ASH2L: variants seen among roughly 807,000 people sequenced by gnomAD.
ASH2L encodes ASH2 like, histone lysine methyltransferase complex subunit, also known as set1/Ash2 histone methyltransferase complex subunit ASH2.
In ASH2L, 30 loss-of-function variants were observed where a neutral mutation model predicts 81.1. The observed-to-expected ratio is 0.37, with a 90% CI of 0.28 to 0.50. The LOEUF (loss-of-function observed/expected upper bound fraction) is 0.50, where lower values mean the gene tolerates loss of function less well. ASH2L is among the 20% of genes least tolerant of loss of function. The pLI is 0.95. For synonymous variants in ASH2L, 273 were observed against 279.9 expected, an observed-to-expected ratio of 0.98 and a Z score of 0.24; for missense variants, 559 against 792.1, an observed-to-expected ratio of 0.71 and a Z score of 3.53.
At chr8:38,114,141 A>G in intron 5 of ASH2L, 51 bp from the exon 6 acceptor site, 2 of 1,093,772 alleles carry the variant, frequency 1.8e-6, no homozygotes, top group Non-Finnish European at 2.6e-6. Flanking sequence ...TTTCTTTGTC[A>G]GCATATCTTT....
intron 5 of ASH2L, among the ~76,000 whole-genome samples, chr8:38,112,170 C>T (rs1810711516): frequency 6.6e-6 from 1 of 152,104 alleles, no homozygotes; most frequent in South Asian, 2.1e-4. Context: ...CCACATCCAG[C>T]TAACTTAAAA....
chr8:38,117,205 C>G (rs955332927), intron 8 of ASH2L, among the ~76,000 whole-genome samples: 4 of 152,182 alleles, frequency 2.6e-5, no homozygotes, highest in African/African-American at 9.7e-5. Flanking sequence ...AGCGGGAAAA[C>G]CCCTCGTTAC....
chr8:38,136,421 T>C (rs1218437906), intron 14 of ASH2L, among the ~76,000 whole-genome samples: 1 of 150,950 alleles, frequency 6.6e-6, no homozygotes, highest in Non-Finnish European at 1.5e-5. Context: ...AAGGGTACTA[T>C]CATTAGGGCC....
chr8:38,105,765 ACGCGG>A lies in ASH2L; in HGVS notation c.188+28_188+32del, dbSNP rs769671819. On this transcript the variant is annotated intron_variant, in intron 1 of 15. Transcript: ENST00000343823. ...TAAGAGGTCCTGCCGCCCGAGGAAG[ACGCGG>A]GAGGGAGGCCCGCCCCTCGCGAATC... is the stretch of plus-strand genomic sequence containing the variant. 2.0e-6 allele frequency: 3 copies of A among 1,501,280 alleles called. No homozygotes were observed. The East Asian group carries it at 7.1e-5, about 36-fold the overall frequency. The allele number at this position is 1,501,280 out of a possible 1,614,324, so 93.0% of individuals were successfully genotyped here.
In ASH2L at chr8:38,107,047, G is replaced by A; in HGVS notation, c.282G>A (p.Val94=). 6.2e-7 allele frequency: 1 copy of A among 1,614,096 alleles called. No individual in the cohort carries two copies. The highest frequency in any genetic ancestry group is 1.1e-5 in the South Asian group (1 of 91,076). ...AAGGTGCTGGGGATACATCAGAGGT[G>A]ATGGATACTCAGGCGGGCTCCGTGG... ...TLEGAGDTSE[V]MDTQAGSVDE... Residue 94 remains valine, a synonymous_variant, in exon 3 of 16, where the codon GTG becomes GTA. Transcript: ENST00000343823.
chr8:38,120,591 C>G (rs1223944942), intron 9 of ASH2L, among the ~76,000 whole-genome samples: 1 of 139,154 alleles, frequency 7.2e-6, no homozygotes, highest in African/African-American at 2.7e-5. Context: ...GACTATCACC[C>G]TAATCACCCC....
chr8:38,117,079 A>G (rs896903195), intron 8 of ASH2L, among the ~76,000 whole-genome samples: 16 of 152,230 alleles, frequency 1.1e-4, no homozygotes, highest in Non-Finnish European at 2.1e-4. Context: ...TACTTTTAAC[A>G]GATTTCCTGT....
chr8:38,118,834 C>T lies in ASH2L; in HGVS notation c.854-436C>T, dbSNP rs114350643. On this transcript the variant is annotated intron_variant, in intron 8 of 15. Transcript: ENST00000343823. Reference sequence around the variant, plus strand: ...TTGTGTAGTTCAAGCAAGTGAACATCGACTTACAGTGAGGATATTCTCTCT... The same window carrying T: ...TTGTGTAGTTCAAGCAAGTGAACATTGACTTACAGTGAGGATATTCTCTCT... Among the ~76,000 whole-genome samples, 633 of 152,228 alleles carry T rather than the reference C, an allele frequency of 4.2e-3. 6 individuals carry two copies. Among genetic ancestry groups the T allele is most frequent in the African/African-American group, 0.014 (585 of 41,518 alleles).
intron 12 of ASH2L, among the ~76,000 whole-genome samples, chr8:38,132,745 G>C (rs959928385): frequency 9.2e-5 from 14 of 151,606 alleles, no homozygotes; most frequent in Non-Finnish European, 1.8e-4. Context: ...ATTGCAGTGA[G>C]CCAAGATCAC....
intron 5 of ASH2L, 108 bp from the exon 6 acceptor site, chr8:38,114,084 G>A (rs192679010): frequency 7.2e-5 from 48 of 669,424 alleles, no homozygotes; most frequent in Non-Finnish European, 2.0e-5. Context: ...AAACTAACAT[G>A]GATTTTTCTC....
At chr8:38,121,830 C>T (rs1001840762) in intron 10 of ASH2L, among the ~76,000 whole-genome samples, 2 of 152,156 alleles carry the variant, frequency 1.3e-5, no homozygotes, top group Non-Finnish European at 2.9e-5. Flanking sequence ...TTATTGGTTA[C>T]GTTGACCATG....
rs566407681 is a variant in ASH2L at position 38,139,971 on chromosome 8, G to A, written c.*900G>A. ...GGAACATGGATGTTGATATATGTGCGGGTGGTTTCCTGTCTTGCTTATCTT... is the reference window on the plus strand; with the variant it reads ...GGAACATGGATGTTGATATATGTGCAGGTGGTTTCCTGTCTTGCTTATCTT... On this transcript the variant is annotated 3_prime_UTR_variant, in exon 16 of 16. Coordinates refer to ENST00000343823, the MANE Select transcript of ASH2L (RefSeq NM_004674.5). 6.6e-6 allele frequency: 1 copy of A among 152,190 alleles called. No individual in the cohort carries two copies. The highest frequency in any genetic ancestry group is 6.6e-5 in the Admixed American group (1 of 15,260). 9.4% of individuals were successfully genotyped at this position (152,190 alleles called of 1,614,324 possible).
chr8:38,118,728 GT>G (rs1344838977), intron 8 of ASH2L, among the ~76,000 whole-genome samples: 1 of 152,188 alleles, frequency 6.6e-6, no homozygotes, highest in Non-Finnish European at 1.5e-5. Flanking sequence ...CGTTTTCCAT[GT>G]TGGATGTATT....
At chr8:38,112,478 A>G (rs542204994) in intron 5 of ASH2L, among the ~76,000 whole-genome samples, 2 of 151,814 alleles carry the variant, frequency 1.3e-5, no homozygotes, top group East Asian at 1.9e-4. Context: ...GCCCAAGCTG[A>G]TCTTACACTC....
In ASH2L at chr8:38,105,703, G is replaced by GAC; in HGVS notation, c.155_156dup (p.Val53GlnfsTer19). ...CTGGAGAGGGGATCTCTGCTGCTCCGACAGTTGAGCCCAGTTCCGGGGAGG... is the reference window on the plus strand; with the variant it reads ...CTGGAGAGGGGATCTCTGCTGCTCCGACACAGTTGAGCCCAGTTCCGGGGAGG... On this transcript the variant is annotated frameshift_variant, in exon 1 of 16. Transcript: ENST00000343823. LOFTEE classifies it high-confidence loss of function. 1.3e-6 allele frequency: 2 copies of GAC among 1,558,322 alleles called. No individual in the cohort carries two copies. Among genetic ancestry groups the GAC allele is most frequent in the Non-Finnish European group, 1.7e-6 (2 of 1,154,300 alleles).
At chr8:38,108,799 G>C (rs1457623585) in intron 3 of ASH2L, among the ~76,000 whole-genome samples, 1 of 152,022 alleles carries the variant, frequency 6.6e-6, no homozygotes, top group African/African-American at 2.4e-5. Flanking sequence ...AAAAAAAAAG[G>C]CCAGGCATGG....
chr8:38,130,170 G>GA (rs1293712098), intron 12 of ASH2L, among the ~76,000 whole-genome samples: 1 of 138,788 alleles, frequency 7.2e-6, no homozygotes, highest in African/African-American at 2.7e-5. Context: ...TGTTTTTTGT[G>GA]AAGTTTCTCT....
chr8:38,131,473 GTC>G (rs1802055174), intron 12 of ASH2L, among the ~76,000 whole-genome samples: 1 of 151,976 alleles, frequency 6.6e-6, no homozygotes, highest in African/African-American at 2.4e-5. Flanking sequence ...GCGAAACCCT[GTC>G]TCTACAAAAA....
chr8:38,106,158 G>C, intron 1 of ASH2L: 1 of 1,531,656 alleles, frequency 6.5e-7, no homozygotes, highest in Non-Finnish European at 8.8e-7. Context: ...GACTGTAAAG[G>C]CCGGTTAGGC....
Sources: allele counts gnomAD v4.1 joint callset (sites outside exome capture counted in the v4.1 genomes callset), GRCh38; gene constraint gnomAD v4.1.1; transcripts MANE v1.5; gene names NCBI Gene and HGNC (gene_info 2026-07-23, HGNC 2026-07-21).